SPATA13: variants seen among roughly 807,000 people sequenced by gnomAD.
The protein encoded by SPATA13 is spermatogenesis-associated protein 13.
SPATA13 carries 50 observed loss-of-function variants against 104.0 expected under a neutral mutation model. The ratio of observed to expected loss-of-function variants is 0.48; its 90% confidence interval spans 0.38 to 0.61. The LOEUF is 0.61. SPATA13 is among the 20% of genes least tolerant of loss of function. The pLI, the probability that SPATA13 is intolerant of heterozygous loss-of-function variation, is 0.00. For synonymous variants in SPATA13, 606 were observed against 667.5 expected (o/e 0.91, Z 1.42); for missense variants, 1,524 against 1,690.6 (o/e 0.90, Z 1.73).
intron 3 of SPATA13, chr13:24,017,790 T>A: frequency 9.8e-6 from 7 of 710,690 alleles, no homozygotes; most frequent in African/African-American, 1.9e-5. Flanking sequence ...GTATAATCTG[T>A]ATGTTAACTC....
chr13:24,046,105 G>C (rs954967436), intron 3 of SPATA13, among the ~76,000 whole-genome samples: 1 of 152,128 alleles, frequency 6.6e-6, no homozygotes, highest in African/African-American at 2.4e-5. Flanking sequence ...AGTCTTGCTG[G>C]AGTGTATCAC....
chr13:24,124,206 G>A (rs923178940), intron 3 of SPATA13, among the ~76,000 whole-genome samples: 4 of 152,116 alleles, frequency 2.6e-5, no homozygotes, highest in Admixed American at 6.5e-5. Flanking sequence ...ACTGATTTTC[G>A]GTTTTTAAAG....
intron 3 of SPATA13, among the ~76,000 whole-genome samples, chr13:24,066,275 A>G (rs1050755777): frequency 6.6e-6 from 1 of 152,078 alleles, no homozygotes; most frequent in Non-Finnish European, 1.5e-5. Flanking sequence ...TCCTTTCCAG[A>G]TATGCCCCAC....
chr13:24,128,517 G>A (rs1333938827), intron 3 of SPATA13, among the ~76,000 whole-genome samples: 3 of 152,074 alleles, frequency 2.0e-5, no homozygotes, highest in Non-Finnish European at 4.4e-5. Context: ...ATGGGTCCAG[G>A]TCATGCTTCT....
chr13:24,262,240 G>C (rs1376647160), intron 4 of SPATA13, among the ~76,000 whole-genome samples: 1 of 151,580 alleles, frequency 6.6e-6, no homozygotes, highest in Non-Finnish European at 1.5e-5. Context: ...TCTTTGAAAA[G>C]TCTTGTAGTA....
intron 3 of SPATA13, among the ~76,000 whole-genome samples, chr13:24,039,351 C>T (rs1422036145): frequency 6.6e-6 from 1 of 152,186 alleles, no homozygotes; most frequent in Non-Finnish European, 1.5e-5. Flanking sequence ...GGAAGAAAGC[C>T]TGGTGGGAAT....
chr13:24,016,099 G>A (rs1232929640), intron 2 of SPATA13, among the ~76,000 whole-genome samples: 2 of 152,188 alleles, frequency 1.3e-5, no homozygotes, highest in African/African-American at 4.8e-5. Flanking sequence ...CCCGTTCCAA[G>A]TCCCTGGCAG....
chr13:24,028,234 C>G (rs934561357), intron 3 of SPATA13, among the ~76,000 whole-genome samples: 3 of 152,136 alleles, frequency 2.0e-5, no homozygotes, highest in Non-Finnish European at 2.9e-5. Context: ...GCTCATCATT[C>G]CTTTTTGCAT....
chr13:24,292,904 G>A (rs569384042), intron 9 of SPATA13, among the ~76,000 whole-genome samples: 3 of 131,776 alleles, frequency 2.3e-5, no homozygotes, highest in South Asian at 2.5e-4. Context: ...GCTGAGGCAC[G>A]AAAATCGCTT....
intron 3 of SPATA13, among the ~76,000 whole-genome samples, chr13:24,028,123 G>A (rs898066128): frequency 6.6e-6 from 1 of 151,920 alleles, no homozygotes; most frequent in Non-Finnish European, 1.5e-5. Flanking sequence ...AAAATTTATG[G>A]GCTAATACAC....
intron 1 of SPATA13, among the ~76,000 whole-genome samples, chr13:24,221,308 T>TGGAAAAC (rs1176596884): frequency 6.6e-6 from 1 of 152,212 alleles, no homozygotes; most frequent in East Asian, 1.9e-4. Context: ...TCCAAGACCT[T>TGGAAAAC]AGGGCAGAGG....
chr13:23,996,097 G>A (rs983076687), intron 2 of SPATA13, among the ~76,000 whole-genome samples: 4 of 152,064 alleles, frequency 2.6e-5, no homozygotes, highest in Admixed American at 6.6e-5. Flanking sequence ...GGTAGGTTAC[G>A]AATTAGTTTT....
At position 24,224,032 on chromosome 13, in the gene SPATA13, G is replaced by A; in HGVS notation, c.1103G>A (p.Ser368Asn). 1 of 1,549,310 alleles carries A rather than the reference G, an allele frequency of 6.5e-7. No individual in the cohort carries two copies. Among genetic ancestry groups the A allele is most frequent in the Non-Finnish European group, 8.7e-7 (1 of 1,145,788 alleles). The change falls in exon 2 of 13, where the codon AGC becomes AAC. Residue 368 changes from serine to asparagine, a missense_variant. Ser to Asn is a conservative substitution (Grantham distance 46). Coordinates refer to ENST00000382108, the MANE Select transcript of SPATA13 (RefSeq NM_001166271.3). ...HDDYSRRVSR[S>N]TEQDSRRGGA... ...GACTACTCCCGCCGCGTCTCCAGGA[G>A]CACTGAGCAGGACAGCAGGCGGGGC...
intron 1 of SPATA13, among the ~76,000 whole-genome samples, chr13:24,199,098 AG>A (rs1870255788): frequency 6.6e-6 from 1 of 152,056 alleles, no homozygotes; most frequent in Admixed American, 6.6e-5. Context: ...CATGTTGCTC[AG>A]GCTGGTCTCG....
At chr13:24,181,946 C>T (rs1019667659) in intron 1 of SPATA13, among the ~76,000 whole-genome samples, 3 of 152,270 alleles carry the variant, frequency 2.0e-5, no homozygotes, top group South Asian at 2.1e-4. Flanking sequence ...GAAACCCCAT[C>T]TCTACTAAAA....
chr13:24,278,996 T>TCCCTCCCTC (rs1566188436), intron 4 of SPATA13, among the ~76,000 whole-genome samples: 3 of 94,292 alleles, frequency 3.2e-5, no homozygotes, highest in African/African-American at 1.1e-4. Flanking sequence ...CTCCCTCCCT[T>TCCCTCCCTC]CCTTCCTTCC....
At chr13:24,135,872 C>T (rs1287233471) in intron 3 of SPATA13, among the ~76,000 whole-genome samples, 2 of 152,040 alleles carry the variant, frequency 1.3e-5, no homozygotes, top group African/African-American at 4.8e-5. Flanking sequence ...GATTCCTCAG[C>T]CCGACCTGAG....
intron 1 of SPATA13, among the ~76,000 whole-genome samples, chr13:24,174,325 T>C (rs1883125454): frequency 6.6e-6 from 1 of 152,112 alleles, no homozygotes. Flanking sequence ...GTTTTTAATT[T>C]CTTTTATATC....
At position 24,205,877 on chromosome 13, in the gene SPATA13, G is replaced by A. The variant is rs1193988640; in HGVS notation, c.-111-16942G>A. On this transcript the variant is annotated intron_variant, in intron 1 of 12. Coordinates refer to ENST00000382108, the MANE Select transcript of SPATA13 (RefSeq NM_001166271.3). This position sits in a 1 kb window ranked among gnomAD's most constrained non-coding sequence, Gnocchi z 4.1. ...TAAATGGTGCTCGGAGAACAAGCTAGCAGAAAATTGAAACTGGAAACCTTC... is the reference window on the plus strand; with the variant it reads ...TAAATGGTGCTCGGAGAACAAGCTAACAGAAAATTGAAACTGGAAACCTTC... Among the ~76,000 whole-genome samples the A allele has an allele frequency of 6.6e-6, 1 of 152,140 alleles. No homozygotes were observed. Among genetic ancestry groups the A allele is most frequent in the Non-Finnish European group, 1.5e-5 (1 of 68,010 alleles).
Sources: gnomAD v4.1 joint callset for allele counts (sites outside exome capture counted in the v4.1 genomes callset) on GRCh38, gnomAD v4.1.1 for gene constraint, Gnocchi (gnomAD v3.1) non-coding constraint, MANE v1.5 for transcripts, NCBI Gene and HGNC (gene_info 2026-07-23, HGNC 2026-07-21) for gene names.